MUTYH: variants seen among roughly 807,000 people sequenced by gnomAD.
MUTYH encodes adenine DNA glycosylase.
Under a neutral mutation model 72.9 loss-of-function variants are expected in MUTYH, and 64 were observed. The ratio of observed to expected loss-of-function variants is 0.88; its 90% confidence interval spans 0.72 to 1.08. The LOEUF is 1.08. Among genes scored for constraint, MUTYH ranks in the 50% least tolerant of loss-of-function variants. MUTYH has a pLI of 0.00. For synonymous variants in MUTYH, 234 were observed against 263.1 expected (o/e 0.89, Z 1.07); for missense variants, 633 against 671.0 (o/e 0.94, Z 0.63).
upstream of MUTYH, chr1:45,340,285 A>AGCTCCCGCAGCTTCC (rs1312104619): frequency 6.2e-7 from 1 of 1,613,276 alleles, no homozygotes; most frequent in Non-Finnish European, 8.5e-7. Context: ...GCGCAGTTTC[A>AGCTCCCGCAGCTTCC]GCTCCCGCAG....
chr1:45,333,072 C>A, intron 5 of MUTYH, 25 bp downstream of exon 5: 1 of 1,614,090 alleles, frequency 6.2e-7, no homozygotes, highest in East Asian at 2.2e-5. Flanking sequence ...GACCCATGAC[C>A]CTTCCCTTCC....
At position 45,330,544 on chromosome 1, in the gene MUTYH, T is replaced by C. The variant is rs2149103640; in HGVS notation, c.1406A>G (p.Tyr469Cys). ...STAMKKVFRV[Y>C]QGQQPGTCMG... ...ACAGGTCCCTGGCTGTTGGCCCTGA[T>C]ACACACGGAAAACCTAGACAAGAAG... Residue 469 changes from tyrosine (Y) to cysteine (C), a missense_variant, in exon 15 of 16, where the codon TAT (tyrosine) becomes TGT (cysteine). By Grantham distance (194) the Tyr-to-Cys change is radical. Transcript: ENST00000456914. 1 of 1,609,532 alleles carries C rather than the reference T, an allele frequency of 6.2e-7. No individual in the cohort carries two copies. Among genetic ancestry groups the C allele is most frequent in the East Asian group, 2.2e-5 (1 of 44,766 alleles).
chr1:45,333,267 C>T lies in MUTYH; in HGVS notation c.304+18G>A. The T allele has an allele frequency of 6.2e-7, 1 of 1,614,216 alleles. No individual in the cohort carries two copies. ...GGCCTCGAGGCAAAGTGGCCCTGCT[C>T]TCAGGAGATGTACTGACCAGCATAT... On this transcript the variant is annotated intron_variant, in intron 4 of 15. Coordinates refer to ENST00000456914, the MANE Select transcript of MUTYH (RefSeq NM_001048174.2).
At chr1:45,340,199 G>A (rs540793556), upstream of MUTYH, 6 of 1,613,538 alleles carry the variant, frequency 3.7e-6, no homozygotes, top group South Asian at 1.1e-5. Context: ...GCCAGGAGAC[G>A]GACCGCAAGT....
rs3219494 is a variant in MUTYH at position 45,330,526 on chromosome 1, C to A, written c.1424G>T (p.Gly475Val). 6.2e-7 allele frequency: 1 copy of A among 1,609,776 alleles called. No homozygotes were observed. Among genetic ancestry groups the A allele is most frequent in the East Asian group, 2.2e-5 (1 of 44,776 alleles). ...GCCTAGGAGACTTACCATACAGGTC[C>A]CTGGCTGTTGGCCCTGATACACACG... ...VFRVYQGQQP[G>V]TCMGSKRSQV... The change falls in exon 15 of 16, where the codon GGG becomes GTG. Residue 475 changes from glycine to valine, a missense_variant. By Grantham distance (109) the Gly-to-Val change is moderately radical. Coordinates refer to ENST00000456914, the MANE Select transcript of MUTYH (RefSeq NM_001048174.2).
rs144079536 is a variant in MUTYH at position 45,331,485 on chromosome 1, G to C, written c.1174C>G (p.Leu392Val). 5 of 1,614,084 alleles carry C rather than the reference G, an allele frequency of 3.1e-6. No individual in the cohort carries two copies. The highest frequency in any genetic ancestry group is 3.3e-4 in the Middle Eastern group (2 of 6,080). Residue 392 changes from leucine to valine, a missense_variant, in exon 13 of 16, where the codon CTG becomes GTG. By Grantham distance (32) the Leu-to-Val change is conservative. Coordinates refer to ENST00000456914, the MANE Select transcript of MUTYH (RefSeq NM_001048174.2). ...GCCCAACGCTGTAGTTCCTGCAGCA[G>C]GGCCTTGCGCTGAAGCTGCTCTGAG... is the stretch of plus-strand genomic sequence containing the variant. The part of the protein sequence containing the change: ...EPSEQLQRKA[L>V]LQELQRWAGP...
rs757414131 is a variant in MUTYH at position 45,332,674 on chromosome 1, A to G, written c.506T>C (p.Leu169Pro). Residue 169 changes from leucine (L) to proline (P), a missense_variant, in exon 8 of 16, where the codon CTA (leucine) becomes CCA (proline). By Grantham distance (98) the Leu-to-Pro change is moderately conservative. Transcript: ENST00000456914. ...QEGARKVVEE[L>P]GGHMPRTAET... ...TGCTGTACGTGGCATGTGGCCCCCT[A>G]GCTCCTCTACCACCTGATTGGAGTG... 1.9e-6 allele frequency: 3 copies of G among 1,614,140 alleles called. No homozygotes were observed. The highest frequency in any genetic ancestry group is 1.7e-5 in the Admixed American group (1 of 60,032).
Position 45,329,285 on chromosome 1 carries a change from G to GA in MUTYH, c.*20dup. 6.2e-7 allele frequency: 1 copy of GA among 1,614,150 alleles called. No homozygotes were observed. The highest frequency in any genetic ancestry group is 8.5e-7 in the Non-Finnish European group (1 of 1,180,006). On this transcript the variant is annotated 3_prime_UTR_variant, in exon 16 of 16. Transcript: ENST00000456914. ...CTTTACTAACAACAGGATTCTCAGG[G>GA]AATGGGGGCTTTCAGAGGTGTCACT...
Position 45,339,695 on chromosome 1 carries a change from T to G in MUTYH, c.-7+204A>C. On this transcript the variant is annotated intron_variant, in intron 1 of 15. Coordinates refer to ENST00000456914, the MANE Select transcript of MUTYH (RefSeq NM_001048174.2). Reference sequence around the variant, plus strand: ...CGCTCTTACACCCTGGGCAGCCTCCTCCGATGGCCCACTCCCCGCCTCTTT... The same window carrying G: ...CGCTCTTACACCCTGGGCAGCCTCCGCCGATGGCCCACTCCCCGCCTCTTT... The G allele has an allele frequency of 5.0e-6, 3 of 596,724 alleles. No individual in the cohort carries two copies. The South Asian group carries it at 5.0e-5, about 10-fold the overall frequency. 37.0% of individuals were successfully genotyped at this position (596,724 alleles called of 1,614,324 possible).
chr1:45,334,248 C>G (rs889477683), intron 2 of MUTYH, 143 bp downstream of exon 2: 62 of 1,317,448 alleles, frequency 4.7e-5, no homozygotes, highest in Non-Finnish European at 6.2e-5. Flanking sequence ...CTCGGCCTCC[C>G]AAAGTGCTGG....
intron 1 of MUTYH, among the ~76,000 whole-genome samples, chr1:45,336,650 A>G (rs3219477): frequency 3.4e-4 from 52 of 152,128 alleles, no homozygotes; most frequent in African/African-American, 1.2e-3. Context: ...CCCAAAACCT[A>G]TAAGAACTAA....
At position 45,333,510 on chromosome 1, in the gene MUTYH, T is replaced by C. The variant is rs200747973; in HGVS notation, c.167A>G (p.Tyr56Cys). Reference sequence around the variant, plus strand: ...TTCAGCTACGTCTCTGAATAGATGGTATGAGGAGACAGAGGCCTGCAATAC... The same window carrying C: ...TTCAGCTACGTCTCTGAATAGATGGCATGAGGAGACAGAGGCCTGCAATAC... ...EVVLQASVSS[Y>C]HLFRDVAEVT... Residue 56 changes from tyrosine (Y) to cysteine (C), a missense_variant, in exon 3 of 16, where the codon TAC (tyrosine) becomes TGC (cysteine). Coordinates refer to ENST00000456914, the MANE Select transcript of MUTYH (RefSeq NM_001048174.2). 9 of 1,614,014 alleles carry C rather than the reference T, an allele frequency of 5.6e-6. No individual in the cohort carries two copies. Among genetic ancestry groups the C allele is most frequent in the Non-Finnish European group, 7.6e-6 (9 of 1,180,028 alleles).
intron 8 of MUTYH, 26 bp downstream of exon 8, chr1:45,332,548 A>G (rs775300564): frequency 6.2e-7 from 1 of 1,613,934 alleles, no homozygotes. Flanking sequence ...GGGCACGCAC[A>G]AAGTGGGGGT....
At position 45,332,612 on chromosome 1, in the gene MUTYH, A is replaced by G. The variant is rs745808534; in HGVS notation, c.568T>C (p.Tyr190His). 6.2e-7 allele frequency: 1 copy of G among 1,614,130 alleles called. No individual in the cohort carries two copies. Among genetic ancestry groups the G allele is most frequent in the Non-Finnish European group, 8.5e-7 (1 of 1,180,014 alleles). Residue 190 changes from tyrosine (Y) to histidine (H), a missense_variant, in exon 8 of 16, where the codon TAC becomes CAC. Coordinates refer to ENST00000456914, the MANE Select transcript of MUTYH (RefSeq NM_001048174.2). ...ATAGAGGCAATGGCCCCAGCTGTGTAGCGCCCCACGCCAGGCAGGAGCTGC... is the reference window on the plus strand; with the variant it reads ...ATAGAGGCAATGGCCCCAGCTGTGTGGCGCCCCACGCCAGGCAGGAGCTGC... ...LQQLLPGVGR[Y>H]TAGAIASIAF...
At position 45,333,252 on chromosome 1, in the gene MUTYH, C is replaced by A. The variant is rs749793609; in HGVS notation, c.304+33G>T. 1.1e-5 allele frequency: 17 copies of A among 1,614,092 alleles called. No individual in the cohort carries two copies. Among genetic ancestry groups the A allele is most frequent in the Middle Eastern group, 1.6e-4 (1 of 6,084 alleles). ...GCCCCCAGACCCAAGGGCCTCGAGG[C>A]AAAGTGGCCCTGCTCTCAGGAGATG... is the stretch of plus-strand genomic sequence containing the variant. On this transcript the variant is annotated intron_variant, in intron 4 of 15. Coordinates refer to ENST00000456914, the MANE Select transcript of MUTYH (RefSeq NM_001048174.2).
At chr1:45,340,283 T>G, upstream of MUTYH, 1 of 1,613,572 alleles carries the variant, frequency 6.2e-7, no homozygotes, top group Non-Finnish European at 8.5e-7. Context: ...TGGCGCAGTT[T>G]CAGCTCCCGC....
chr1:45,330,918 CT>C (rs1243229009), intron 14 of MUTYH, among the ~76,000 whole-genome samples: 1 of 151,636 alleles, frequency 6.6e-6, no homozygotes, highest in Admixed American at 6.6e-5. Flanking sequence ...AACCTCATCT[CT>C]ACTAAAAATA....
chr1:45,329,257 G>A lies in MUTYH; in HGVS notation c.*49C>T. The A allele has an allele frequency of 6.2e-7, 1 of 1,612,202 alleles. No homozygotes were observed. Among genetic ancestry groups the A allele is most frequent in the Non-Finnish European group, 8.5e-7 (1 of 1,178,342 alleles). Reference sequence around the variant, plus strand: ...CAACATAAAATAACTACAAAAATAAGCACTTTACTAACAACAGGATTCTCA... The same window carrying A: ...CAACATAAAATAACTACAAAAATAAACACTTTACTAACAACAGGATTCTCA... On this transcript the variant is annotated 3_prime_UTR_variant, in exon 16 of 16. Transcript: ENST00000456914.
intron 2 of MUTYH, chr1:45,334,079 T>G (rs1399606416): frequency 2.5e-6 from 1 of 400,212 alleles, no homozygotes; most frequent in African/African-American, 2.1e-5. Context: ...TTATCTTGAC[T>G]CAGTGCAACT....
Sources: gnomAD v4.1 joint callset for allele counts (sites outside exome capture counted in the v4.1 genomes callset) on GRCh38, gnomAD v4.1.1 for gene constraint, MANE v1.5 for transcripts, NCBI Gene and HGNC (gene_info 2026-07-23, HGNC 2026-07-21) for gene names.